The following DAW1 variants were observed in gnomAD, a reference collection of about 807,000 sequenced individuals.
DAW1 encodes the protein dynein assembly factor with WD repeat domains 1.
In DAW1, 47 loss-of-function variants were observed where a neutral mutation model predicts 56.5. The observed-to-expected ratio is 0.83, with a 90% CI of 0.66 to 1.06. DAW1 has a LOEUF of 1.06. DAW1 is among the 50% of genes least tolerant of loss of function. The pLI is 0.00. For missense variants in DAW1, 505 were observed against 499.3 expected, an observed-to-expected ratio of 1.01 and a Z score of -0.11; for synonymous variants, 190 against 179.0, an observed-to-expected ratio of 1.06 and a Z score of -0.49.
intron 5 of DAW1, among the ~76,000 whole-genome samples, chr2:227,894,781 T>C (rs1315725255): frequency 6.6e-6 from 1 of 152,226 alleles, no homozygotes; most frequent in South Asian, 2.1e-4. Context: ...CTGATTCCCA[T>C]GGCACCCTGA....
intron 1 of DAW1, among the ~76,000 whole-genome samples, chr2:227,877,245 C>T (rs1197429583): frequency 6.6e-6 from 1 of 152,226 alleles, no homozygotes; most frequent in Non-Finnish European, 1.5e-5. Flanking sequence ...GTGGCACAAT[C>T]TTGGCTTACT....
intron 4 of DAW1, 96 bp downstream of exon 4, chr2:227,891,409 A>G (rs1691265519): frequency 1.9e-6 from 2 of 1,054,610 alleles, no homozygotes; most frequent in South Asian, 2.8e-5. Flanking sequence ...TAATATATTC[A>G]TTTTTCTGAT....
chr2:227,873,672 A>T (rs34019379), intron 1 of DAW1, among the ~76,000 whole-genome samples: 73,080 of 151,966 alleles, frequency 0.48, 17,780 homozygotes, highest in Admixed American at 0.58. Context: ...GTATCTAGAT[A>T]AATTTATTTT....
chr2:227,908,210 A>T (rs569159911), intron 10 of DAW1, among the ~76,000 whole-genome samples: 1 of 152,304 alleles, frequency 6.6e-6, no homozygotes, highest in South Asian at 2.1e-4. Context: ...TATCTGCATC[A>T]TCTTGTTGAA....
intron 8 of DAW1, 53 bp from the exon 9 acceptor site, chr2:227,906,183 C>A: frequency 1.4e-6 from 2 of 1,418,952 alleles, no homozygotes; most frequent in Non-Finnish European, 2.0e-6. Flanking sequence ...TATTCATGTG[C>A]ATATACTGAA....
intron 7 of DAW1, 27 bp from the exon 8 acceptor site, chr2:227,904,902 A>G: frequency 6.3e-7 from 1 of 1,589,388 alleles, no homozygotes; most frequent in East Asian, 2.2e-5. Context: ...CTGCAGGTAT[A>G]CTTGACAGTA....
At chr2:227,912,036 A>G (rs984482200) in intron 10 of DAW1, among the ~76,000 whole-genome samples, 6 of 151,832 alleles carry the variant, frequency 4.0e-5, no homozygotes, top group Non-Finnish European at 8.8e-5. Flanking sequence ...CATGACAACA[A>G]TATTTGGCTC....
chr2:227,873,177 C>A (rs1005151420), intron 1 of DAW1, among the ~76,000 whole-genome samples: 16 of 152,178 alleles, frequency 1.1e-4, no homozygotes, highest in African/African-American at 3.9e-4. Flanking sequence ...TTTCTTCATT[C>A]AGTTTCAATC....
chr2:227,911,615 C>T (rs759026029), intron 10 of DAW1, among the ~76,000 whole-genome samples: 2 of 151,960 alleles, frequency 1.3e-5, no homozygotes, highest in Non-Finnish European at 2.9e-5. Context: ...GTGACATGGC[C>T]TAGTTATTTA....
intron 8 of DAW1, among the ~76,000 whole-genome samples, 161 bp from the exon 9 acceptor site, chr2:227,906,075 T>A (rs140888240): frequency 1.3e-5 from 2 of 152,328 alleles, no homozygotes; most frequent in East Asian, 3.9e-4. Context: ...TATTGGTAGC[T>A]TCTTTTTGAG....
At chr2:227,893,601 G>C (rs982033510) in intron 4 of DAW1, among the ~76,000 whole-genome samples, 194 bp from the exon 5 acceptor site, 4 of 151,962 alleles carry the variant, frequency 2.6e-5, no homozygotes, top group African/African-American at 9.7e-5. Context: ...GAACCTGTGA[G>C]GTAGAGGTTG....
chr2:227,908,508 A>AT (rs913936965), intron 10 of DAW1, among the ~76,000 whole-genome samples: 4 of 152,166 alleles, frequency 2.6e-5, no homozygotes, highest in African/African-American at 4.8e-5. Flanking sequence ...AGTCATTCCC[A>AT]TGACAACCAT....
chr2:227,905,466 T>C (rs1691655767), intron 8 of DAW1, among the ~76,000 whole-genome samples: 1 of 152,198 alleles, frequency 6.6e-6, no homozygotes, highest in Non-Finnish European at 1.5e-5. Flanking sequence ...TAAATTAGCA[T>C]ATTTGTGTTG....
At chr2:227,917,343 C>A (rs1357082494) in intron 10 of DAW1, among the ~76,000 whole-genome samples, 1 of 151,700 alleles carries the variant, frequency 6.6e-6, no homozygotes, top group African/African-American at 2.4e-5. Context: ...TCACTGCAAG[C>A]TCCACCTCCT....
At chr2:227,901,435 A>G (rs1324952090) in intron 6 of DAW1, among the ~76,000 whole-genome samples, 1 of 152,218 alleles carries the variant, frequency 6.6e-6, no homozygotes, top group Non-Finnish European at 1.5e-5. Context: ...GGTCTGGGAA[A>G]GAGACTTGGA....
intron 9 of DAW1, 97 bp from the exon 10 acceptor site, chr2:227,907,041 C>T: frequency 2.7e-6 from 2 of 730,100 alleles, no homozygotes; most frequent in Non-Finnish European, 4.4e-6. Context: ...GTTATTTAAC[C>T]AGCCATAAGC....
chr2:227,875,883 A>G (rs1382071525), intron 1 of DAW1, among the ~76,000 whole-genome samples: 3 of 152,232 alleles, frequency 2.0e-5, no homozygotes, highest in Admixed American at 1.3e-4. Context: ...ATAAAATGAC[A>G]TTAATGTTTT....
chr2:227,881,193 A>G (rs77919056), intron 1 of DAW1, among the ~76,000 whole-genome samples: 1,793 of 152,350 alleles, frequency 0.012, 36 homozygotes, highest in African/African-American at 0.036. Flanking sequence ...GCATTAAGCA[A>G]TTTGAGGACA....
intron 10 of DAW1, among the ~76,000 whole-genome samples, chr2:227,918,142 G>A (rs377357068): frequency 1.5e-3 from 125 of 82,144 alleles, no homozygotes; most frequent in South Asian, 3.0e-3. Flanking sequence ...CCATCCATCC[G>A]TCCATCCATC....
Sources: gnomAD v4.1 joint callset for allele counts (sites outside exome capture counted in the v4.1 genomes callset) on GRCh38, gnomAD v4.1.1 for gene constraint, MANE v1.5 for transcripts, NCBI Gene and HGNC (gene_info 2026-07-23, HGNC 2026-07-21) for gene names.